PLG: variants seen among roughly 807,000 people sequenced by gnomAD.
PLG encodes plasminogen.
Under a neutral mutation model 104.4 loss-of-function variants are expected in PLG, and 41 were observed. That is an observed-to-expected ratio of 0.39 (90% CI 0.31 to 0.51). The LOEUF is 0.51. Ranked by LOEUF, PLG falls within the 20% of genes least tolerant of loss-of-function variation. The probability of loss-of-function intolerance (pLI) is 0.76; values close to 1 mark genes in which losing one functional copy is unlikely to be tolerated. For missense variants in PLG, 891 were observed against 1,003.6 expected, an observed-to-expected ratio of 0.89 and a Z score of 1.52; for synonymous variants, 337 against 357.1, an observed-to-expected ratio of 0.94 and a Z score of 0.63.
intron 12 of PLG, 136 bp from the exon 13 acceptor site, chr6:160,733,846 GAAAAAAAAAAAAA>G (rs10540264): frequency 3.2e-6 from 1 of 312,838 alleles, no homozygotes; most frequent in African/African-American, 3.1e-5. Context: ...CTCCACCTCA[GAAAAAAAAAAAAA>G]AAAAAAAAAG....
chr6:160,736,778 G>A lies in PLG; in HGVS notation c.1682-109G>A, dbSNP rs962614785. On this transcript the variant is annotated intron_variant, in intron 13 of 18. Transcript: ENST00000308192. The surrounding 1 kb of genome is among the most constrained non-coding windows in gnomAD (Gnocchi z 5.2). ...CAAAAGATGATGATTTTACTATTTA[G>A]TTCGGCCTTTAAGATGTCAAAAACT... The A allele has an allele frequency of 4.3e-6, 6 of 1,384,668 alleles. No individual in the cohort carries two copies. In the African/African-American group the frequency reaches 8.5e-5, roughly 20 times the overall value. 85.8% of individuals were successfully genotyped at this position (1,384,668 alleles called of 1,614,324 possible).
intron 5 of PLG, 30 bp from the exon 6 acceptor site, chr6:160,714,764 C>T (rs758462899): frequency 1.9e-6 from 3 of 1,611,968 alleles, no homozygotes; most frequent in Non-Finnish European, 1.7e-6. Flanking sequence ...TTTCTTCTTC[C>T]TCTCTGTCCT....
rs531922786 is a variant in PLG at position 160,723,178 on chromosome 6, A to G, written c.1256+611A>G. Among the ~76,000 whole-genome samples the G allele has an allele frequency of 4.3e-5, 6 of 140,790 alleles. No individual in the cohort carries two copies. Among genetic ancestry groups the G allele is most frequent in the African/African-American group, 1.5e-4 (5 of 32,420 alleles). 92.4% of individuals were successfully genotyped at this position (140,790 alleles called of 152,430 possible). A position where few individuals can be genotyped will look rare whatever the true frequency, so the allele number is the denominator to read the frequency against. On this transcript the variant is annotated intron_variant, in intron 10 of 18. Coordinates refer to ENST00000308192, the MANE Select transcript of PLG (RefSeq NM_000301.5). This position sits in a 1 kb window ranked among gnomAD's most constrained non-coding sequence, Gnocchi z 4.7. ...TAGAATATATATAACATAAATATGTATATATATATATTCTGACCTGTATAA... is the reference window on the plus strand; with the variant it reads ...TAGAATATATATAACATAAATATGTGTATATATATATTCTGACCTGTATAA...
At chr6:160,751,771 T>C (rs567943148) in intron 17 of PLG, among the ~76,000 whole-genome samples, 3 of 152,210 alleles carry the variant, frequency 2.0e-5, no homozygotes, top group Non-Finnish European at 4.4e-5. Context: ...AAAAGAAGCA[T>C]ATTAAAACAT....
In PLG at chr6:160,739,169, A is replaced by C; in HGVS notation, c.1979A>C (p.Glu660Ala). Residue 660 changes from glutamate to alanine, a missense_variant, in exon 16 of 19, where the codon GAG becomes GCG. By Grantham distance (107) the Glu-to-Ala change is moderately radical. This residue lies in a region of PLG where 854 missense variants were observed against 932.1 expected (regional missense o/e 0.92). Transcript: ENST00000308192. This position sits in a 1 kb window ranked among gnomAD's most constrained non-coding sequence, Gnocchi z 4.4. The part of the protein sequence containing the change: ...QEIEVSRLFL[E>A]PTRKDIALLK... ...ATAGAAGTGTCTAGGCTGTTCTTGG[A>C]GCCCACACGAAAAGATATTGCCTTG... 1 of 1,614,144 alleles carries C rather than the reference A, an allele frequency of 6.2e-7. No homozygotes were observed. The highest frequency in any genetic ancestry group is 8.5e-7 in the Non-Finnish European group (1 of 1,180,028).
chr6:160,738,297 C>G lies in PLG; in HGVS notation c.1803-241C>G. The G allele has an allele frequency of 1.9e-6, 1 of 523,034 alleles. No individual in the cohort carries two copies. The highest frequency in any genetic ancestry group is 3.5e-6 in the Non-Finnish European group (1 of 284,722). 32.4% of individuals were successfully genotyped at this position (523,034 alleles called of 1,614,324 possible). On this transcript the variant is annotated intron_variant, in intron 14 of 18. Coordinates refer to ENST00000308192, the MANE Select transcript of PLG (RefSeq NM_000301.5). The surrounding 1 kb of genome is among the most constrained non-coding windows in gnomAD (Gnocchi z 6.8). Reference sequence around the variant, plus strand: ...TTACTTAGCTTTGCTCTCCTGTGGACAGGCCATGCCTGTGCCTCCCCCAAG... The same window carrying G: ...TTACTTAGCTTTGCTCTCCTGTGGAGAGGCCATGCCTGTGCCTCCCCCAAG...
At position 160,726,588 on chromosome 6, in the gene PLG, T is replaced by TAAA. The variant is rs34063692; in HGVS notation, c.1256+4029_1256+4031dup. Among the ~76,000 whole-genome samples, 1 of 149,936 alleles carries TAAA rather than the reference T, an allele frequency of 6.7e-6. No homozygotes were observed. The highest frequency in any genetic ancestry group is 1.5e-5 in the Non-Finnish European group (1 of 67,218). On this transcript the variant is annotated intron_variant, in intron 10 of 18. Coordinates refer to ENST00000308192, the MANE Select transcript of PLG (RefSeq NM_000301.5). This position sits in a 1 kb window ranked among gnomAD's most constrained non-coding sequence, Gnocchi z 4.4. ...TATGAGGTTAAAACACCTTTAAATT[T>TAAA]AAAAAAAAAAGATTTTATTTGCTAT...
rs1156555406 is a variant in PLG, at chr6:160,725,199, A to G, written c.1256+2632A>G. On this transcript the variant is annotated intron_variant, in intron 10 of 18. Transcript: ENST00000308192. The surrounding 1 kb of genome is among the most constrained non-coding windows in gnomAD (Gnocchi z 6.3). ...CATTACGGTCCAACCTGGGTGACAG[A>G]GCGAGACTCAAAACAAACAAACAAA... 6.6e-6 allele frequency among the ~76,000 whole-genome samples: 1 copy of G among 152,286 alleles called. No homozygotes were observed. The highest frequency in any genetic ancestry group is 3.4e-3 in the Middle Eastern group (1 of 294).
intron 3 of PLG, among the ~76,000 whole-genome samples, chr6:160,710,074 T>C (rs1414911855): frequency 6.6e-6 from 1 of 152,192 alleles, no homozygotes; most frequent in African/African-American, 2.4e-5. Context: ...CTTTCCTTAT[T>C]TTTGAAGTGG....
chr6:160,752,313 T>C lies in PLG; in HGVS notation c.2271+53T>C. On this transcript the variant is annotated intron_variant, in intron 18 of 18. Coordinates refer to ENST00000308192, the MANE Select transcript of PLG (RefSeq NM_000301.5). This position sits in a 1 kb window ranked among gnomAD's most constrained non-coding sequence, Gnocchi z 4.7. The stretch of plus-strand genomic sequence containing the variant: ...AGTCTTGTGCTCTCTTGTCTCAGTC[T>C]CAGCCCCTCAGACTTCATTCCCCAG... The C allele has an allele frequency of 2.0e-6, 3 of 1,533,354 alleles. No individual in the cohort carries two copies. The highest frequency in any genetic ancestry group is 2.7e-6 in the Non-Finnish European group (3 of 1,107,034). 95.0% of individuals were successfully genotyped at this position (1,533,354 alleles called of 1,614,324 possible). A position where few individuals can be genotyped will look rare whatever the true frequency, so the allele number is the denominator to read the frequency against.
intron 1 of PLG, among the ~76,000 whole-genome samples, chr6:160,703,763 T>C (rs1777468205): frequency 6.6e-6 from 1 of 152,244 alleles, no homozygotes; most frequent in Admixed American, 6.5e-5. Context: ...AGGACATAGA[T>C]CACTATGAAC....
At position 160,753,353 on chromosome 6, in the gene PLG, A is replaced by C; in HGVS notation, c.*292A>C. 1 of 432,692 alleles carries C rather than the reference A, an allele frequency of 2.3e-6. No individual in the cohort carries two copies. The highest frequency in any genetic ancestry group is 4.3e-6 in the Non-Finnish European group (1 of 232,686). The allele number at this position is 432,692 out of a possible 1,614,324, so 26.8% of individuals were successfully genotyped here. A position where few individuals can be genotyped will look rare whatever the true frequency, so the allele number is the denominator to read the frequency against. On this transcript the variant is annotated 3_prime_UTR_variant, in exon 19 of 19. Coordinates refer to ENST00000308192, the MANE Select transcript of PLG (RefSeq NM_000301.5). The surrounding 1 kb of genome is among the most constrained non-coding windows in gnomAD (Gnocchi z 5.4). ...CTTTGTTCACCCCACCAATTTTTAAATGGGCAGATGGGGGGATTTAGCTGC... is the reference window on the plus strand; with the variant it reads ...CTTTGTTCACCCCACCAATTTTTAACTGGGCAGATGGGGGGATTTAGCTGC...
At chr6:160,709,962 T>A (rs1777607278) in intron 3 of PLG, among the ~76,000 whole-genome samples, 1 of 152,236 alleles carries the variant, frequency 6.6e-6, no homozygotes, top group African/African-American at 2.4e-5. Context: ...CCTTTTGACG[T>A]AGAGCAGAGG....
At position 160,726,872 on chromosome 6, in the gene PLG, T is replaced by C. The variant is rs1777929418; in HGVS notation, c.1257-4179T>C. Among the ~76,000 whole-genome samples the C allele has an allele frequency of 6.6e-6, 1 of 151,786 alleles. No homozygotes were observed. Among genetic ancestry groups the C allele is most frequent in the South Asian group, 2.1e-4 (1 of 4,814 alleles). ...CTGTTGATTTAAGATAACTTAAACA[T>C]CTAGAAAAGGAGAAGCAAATAAGAT... On this transcript the variant is annotated intron_variant, in intron 10 of 18. Coordinates refer to ENST00000308192, the MANE Select transcript of PLG (RefSeq NM_000301.5). This position sits in a 1 kb window ranked among gnomAD's most constrained non-coding sequence, Gnocchi z 4.4.
At chr6:160,747,280 T>G (rs1778292093) in intron 17 of PLG, among the ~76,000 whole-genome samples, 1 of 152,206 alleles carries the variant, frequency 6.6e-6, no homozygotes, top group East Asian at 1.9e-4. Flanking sequence ...AGGGAACACT[T>G]GTGCAGGATA....
chr6:160,745,379 T>G (rs1472165250), intron 17 of PLG, among the ~76,000 whole-genome samples: 1 of 146,252 alleles, frequency 6.8e-6, no homozygotes, highest in Non-Finnish European at 1.6e-5. Flanking sequence ...CTTTTTGAAT[T>G]GAACCCTTTA....
Position 160,736,539 on chromosome 6 carries a change from G to C in PLG, c.1682-348G>C, listed in dbSNP as rs116447407. On this transcript the variant is annotated intron_variant, in intron 13 of 18. Transcript: ENST00000308192. This position sits in a 1 kb window ranked among gnomAD's most constrained non-coding sequence, Gnocchi z 5.2. ...ATGATTATGGGAAGGATGGCATCAT[G>C]TTCTAAACATACTGCATGGAGTCAG... 1.5e-3 allele frequency among the ~76,000 whole-genome samples: 225 copies of C among 152,290 alleles called. No individual in the cohort carries two copies. The highest frequency in any genetic ancestry group is 5.2e-3 in the African/African-American group (218 of 41,556).
chr6:160,710,176 G>C (rs1777613703), intron 3 of PLG, among the ~76,000 whole-genome samples: 1 of 152,180 alleles, frequency 6.6e-6, no homozygotes, highest in South Asian at 2.1e-4. Flanking sequence ...AACTATATGA[G>C]TGGATTGCCC....
chr6:160,721,604 T>G (rs1282719887), intron 9 of PLG, among the ~76,000 whole-genome samples: 1 of 152,202 alleles, frequency 6.6e-6, no homozygotes, highest in South Asian at 2.1e-4. Context: ...AGAGGAGATA[T>G]CTTCATACAC....
Sources: gnomAD v4.1 joint callset for allele counts (sites outside exome capture counted in the v4.1 genomes callset) on GRCh38, gnomAD v4.1.1 for gene constraint, gnomAD v4.1.1 regional missense constraint, Gnocchi (gnomAD v3.1) non-coding constraint, MANE v1.5 for transcripts, NCBI Gene and HGNC (gene_info 2026-07-23, HGNC 2026-07-21) for gene names.